Variants in PSD3 observed in about 807,000 individuals in gnomAD.
PSD3 encodes the protein pleckstrin and Sec7 domain containing 3, also known as PH and SEC7 domain-containing protein 3.
PSD3 carries 49 observed loss-of-function variants against 105.5 expected under a neutral mutation model. That is an observed-to-expected ratio of 0.46 (90% CI 0.37 to 0.59). The LOEUF is 0.59. Ranked by LOEUF, PSD3 falls within the 20% of genes least tolerant of loss-of-function variation. The probability of loss-of-function intolerance (pLI) is 0.00; values close to 1 mark genes in which losing one functional copy is unlikely to be tolerated. For missense variants in PSD3, 1,561 were observed against 1,263.8 expected (o/e 1.24, Z -3.57); for synonymous variants, 557 against 457.8 (o/e 1.22, Z -2.77).
At chr8:18,798,800 T>C (rs1440802155) in intron 8 of PSD3, among the ~76,000 whole-genome samples, 1 of 152,192 alleles carries the variant, frequency 6.6e-6, no homozygotes, top group Non-Finnish European at 1.5e-5. Flanking sequence ...TAACACTTTA[T>C]CTTGTATCTT....
At chr8:18,857,310 A>T (rs1356579206) in intron 4 of PSD3, among the ~76,000 whole-genome samples, 1 of 152,208 alleles carries the variant, frequency 6.6e-6, no homozygotes, top group Non-Finnish European at 1.5e-5. Flanking sequence ...GTGATCATGG[A>T]TCACCTGGGA....
At chr8:18,784,299 T>G (rs1808916134) in intron 8 of PSD3, among the ~76,000 whole-genome samples, 1 of 152,006 alleles carries the variant, frequency 6.6e-6, no homozygotes, top group South Asian at 2.1e-4. Flanking sequence ...TTCTGTCCAT[T>G]GTTCTTTCAC....
chr8:18,995,538 G>T (rs1473201749), intron 1 of PSD3, among the ~76,000 whole-genome samples: 1 of 152,008 alleles, frequency 6.6e-6, no homozygotes, highest in Admixed American at 6.6e-5. Context: ...AAACCAGGAA[G>T]TATTACCCTA....
intron 9 of PSD3, among the ~76,000 whole-genome samples, chr8:18,724,858 G>A (rs1201753843): frequency 6.6e-6 from 1 of 152,102 alleles, no homozygotes; most frequent in Non-Finnish European, 1.5e-5. Context: ...TGGATATAAG[G>A]AGAAATATGT....
chr8:19,058,668 G>A (rs976962952), intron 1 of PSD3, among the ~76,000 whole-genome samples: 5 of 152,114 alleles, frequency 3.3e-5, no homozygotes, highest in African/African-American at 7.2e-5. Context: ...CCTAAATTGG[G>A]TGATTAAGCA....
intron 1 of PSD3, among the ~76,000 whole-genome samples, chr8:18,942,438 C>T (rs1156797200): frequency 2.0e-5 from 3 of 152,138 alleles, no homozygotes; most frequent in Non-Finnish European, 4.4e-5. Flanking sequence ...AAGCTCAAGG[C>T]TAATGCTGCA....
intron 8 of PSD3, among the ~76,000 whole-genome samples, chr8:18,783,906 C>G (rs138009898): frequency 6.6e-6 from 1 of 152,308 alleles, no homozygotes; most frequent in East Asian, 1.9e-4. Flanking sequence ...AGACTGCTGG[C>G]ATGAGCCACT....
intron 1 of PSD3, chr8:18,989,514 G>A (rs1563490367): frequency 1.3e-5 from 2 of 152,182 alleles, no homozygotes; most frequent in African/African-American, 4.8e-5. Context: ...ACTCAAAATA[G>A]CAAGTATAGG....
At chr8:19,032,990 A>G (rs9792298) in intron 1 of PSD3, among the ~76,000 whole-genome samples, 78,460 of 151,906 alleles carry the variant, frequency 0.52, 20,529 homozygotes, top group Non-Finnish European at 0.55. Flanking sequence ...GTACCTGCCT[A>G]TAATCCCTAC....
At chr8:18,541,190 T>C (rs1007384294) in intron 15 of PSD3, among the ~76,000 whole-genome samples, 6 of 151,350 alleles carry the variant, frequency 4.0e-5, no homozygotes, top group Admixed American at 1.3e-4. Context: ...ATTTCCTCCT[T>C]TGCCCCCCAA....
At position 18,658,042 on chromosome 8, in the gene PSD3, G is replaced by T. The variant is rs1302306175; in HGVS notation, c.2173-2357C>A. ...TTTAAAAATTCTTGCTATTCAATCA[G>T]CCAGATATCTCATGAAGATAATCTA... On this transcript the variant is annotated intron_variant, in intron 9 of 15. Coordinates refer to ENST00000327040, the MANE Select transcript of PSD3 (RefSeq NM_015310.4). Among the ~76,000 whole-genome samples the T allele has an allele frequency of 2.6e-5, 4 of 152,252 alleles. No homozygotes were observed. In the East Asian group the frequency reaches 7.7e-4, roughly 29 times the overall value.
At chr8:18,808,789 C>T (rs762325064) in intron 4 of PSD3, 1 of 1,614,104 alleles carries the variant, frequency 6.2e-7, no homozygotes, top group Non-Finnish European at 8.5e-7. Flanking sequence ...GAGCCCATCG[C>T]AACCCCTGGG....
chr8:18,566,501 G>A (rs1017274936), intron 14 of PSD3, among the ~76,000 whole-genome samples: 3 of 145,030 alleles, frequency 2.1e-5, no homozygotes, highest in Non-Finnish European at 4.5e-5. Context: ...ACTCCAGCCT[G>A]GGCAACAGAG....
chr8:18,565,683 T>C (rs1161193692), intron 14 of PSD3, among the ~76,000 whole-genome samples: 1 of 152,124 alleles, frequency 6.6e-6, no homozygotes, highest in South Asian at 2.1e-4. Context: ...TAAAGTAAAA[T>C]TATCCAAAAA....
chr8:18,807,451 C>G (rs912440218), intron 4 of PSD3, among the ~76,000 whole-genome samples: 8 of 152,180 alleles, frequency 5.3e-5, no homozygotes, highest in African/African-American at 1.4e-4. Context: ...TTTTTAGACT[C>G]AACTGTGTAA....
At position 18,732,328 on chromosome 8, in the gene PSD3, G is replaced by C. The variant is rs1042364529; in HGVS notation, c.2172+33121C>G. On this transcript the variant is annotated intron_variant, in intron 9 of 15. Coordinates refer to ENST00000327040, the MANE Select transcript of PSD3 (RefSeq NM_015310.4). Reference sequence around the variant, plus strand: ...TAAACAGATATGAGAAAAGAAGGAAGATTAGGAAGCTACAAATCCTGTCTC... The same window carrying C: ...TAAACAGATATGAGAAAAGAAGGAACATTAGGAAGCTACAAATCCTGTCTC... Among the ~76,000 whole-genome samples, 6 of 152,212 alleles carry C rather than the reference G, an allele frequency of 3.9e-5. No individual in the cohort carries two copies. The East Asian group carries it at 1.2e-3, about 29-fold the overall frequency.
chr8:18,924,218 CCAA>C (rs1326035316), intron 2 of PSD3, among the ~76,000 whole-genome samples: 5 of 152,108 alleles, frequency 3.3e-5, no homozygotes, highest in African/African-American at 1.2e-4. Flanking sequence ...CTTTGTCAAG[CCAA>C]AACAGACCAT....
chr8:18,924,806 G>C (rs1193630442), intron 2 of PSD3: 1 of 152,030 alleles, frequency 6.6e-6, no homozygotes, highest in African/African-American at 2.4e-5. Flanking sequence ...CTTCTTCTTT[G>C]CACTAAAAAG....
chr8:18,996,243 A>G (rs1328455974), intron 1 of PSD3, among the ~76,000 whole-genome samples: 4 of 151,992 alleles, frequency 2.6e-5, no homozygotes, highest in African/African-American at 7.3e-5. Flanking sequence ...GATCTTATAC[A>G]TGCTTAATGG....
Sources: gnomAD v4.1 joint callset for allele counts (sites outside exome capture counted in the v4.1 genomes callset) on GRCh38, gnomAD v4.1.1 for gene constraint, MANE v1.5 for transcripts, NCBI Gene and HGNC (gene_info 2026-07-23, HGNC 2026-07-21) for gene names.